The following ARHGEF26 variants were observed in gnomAD, a reference collection of about 807,000 sequenced individuals.
ARHGEF26 encodes Rho guanine nucleotide exchange factor 26.
ARHGEF26 carries 59 observed loss-of-function variants against 89.4 expected under a neutral mutation model. The ratio of observed to expected loss-of-function variants is 0.66; its 90% CI spans 0.54 to 0.82. The LOEUF (loss-of-function observed/expected upper bound fraction) is 0.82, where lower values mean the gene tolerates loss of function less well. Ranked by LOEUF, ARHGEF26 falls within the 40% of genes least tolerant of loss-of-function variation. ARHGEF26 has a pLI of 0.00. For synonymous variants in ARHGEF26, 500 were observed against 428.4 expected, an observed-to-expected ratio of 1.17 and a Z score of -2.06; for missense variants, 1,234 against 1,085.6, an observed-to-expected ratio of 1.14 and a Z score of -1.92.
Position 154,135,410 on chromosome 3 carries a change from G to T in ARHGEF26, c.1269+5691G>T, listed in dbSNP as rs550989722. ...TGATGGTTGTTTGTATTTCTGTGGGGTCAGTGGTAATATCCCCCTTGTCCT... is the reference window on the plus strand; with the variant it reads ...TGATGGTTGTTTGTATTTCTGTGGGTTCAGTGGTAATATCCCCCTTGTCCT... On this transcript the variant is annotated intron_variant, in intron 4 of 14. Transcript: ENST00000465093. 2.5e-4 allele frequency among the ~76,000 whole-genome samples: 38 copies of T among 152,210 alleles called. 1 individual carries two copies. Among genetic ancestry groups the T allele is most frequent in the African/African-American group, 8.9e-4 (37 of 41,538 alleles).
intron 4 of ARHGEF26, among the ~76,000 whole-genome samples, chr3:154,143,914 T>C (rs1013977172): frequency 6.6e-6 from 1 of 152,174 alleles, no homozygotes; most frequent in Non-Finnish European, 1.5e-5. Context: ...CTCTTGCTCA[T>C]TTGGGGGATA....
At chr3:154,162,962 G>A (rs185852205) in intron 6 of ARHGEF26, among the ~76,000 whole-genome samples, 48 of 152,232 alleles carry the variant, frequency 3.2e-4, no homozygotes, top group African/African-American at 8.7e-4. Flanking sequence ...TTTTTGAACC[G>A]CATGATGGTA....
At chr3:154,232,021 G>T (rs1307804231) in intron 11 of ARHGEF26, among the ~76,000 whole-genome samples, 1 of 152,038 alleles carries the variant, frequency 6.6e-6, no homozygotes, top group African/African-American at 2.4e-5. Flanking sequence ...TGGTACTCCT[G>T]AATTGGAGTG....
intron 10 of ARHGEF26, among the ~76,000 whole-genome samples, chr3:154,223,173 T>C (rs959817324): frequency 1.1e-4 from 17 of 152,266 alleles, no homozygotes; most frequent in African/African-American, 4.1e-4. Context: ...ATACATTCAG[T>C]GTGATTGAGT....
chr3:154,248,081 A>G (rs892034751), intron 12 of ARHGEF26, among the ~76,000 whole-genome samples: 2 of 152,210 alleles, frequency 1.3e-5, no homozygotes, highest in African/African-American at 4.8e-5. Context: ...ATTTGCAGTA[A>G]AATTTAGATG....
chr3:154,243,928 T>G (rs1278343058), intron 12 of ARHGEF26, among the ~76,000 whole-genome samples: 1 of 152,240 alleles, frequency 6.6e-6, no homozygotes, highest in Non-Finnish European at 1.5e-5. Context: ...CAGGTTAGCT[T>G]TGGGCTACCG....
At chr3:154,240,250 AT>A in intron 11 of ARHGEF26, 119 bp from the exon 12 acceptor site, 1 of 663,750 alleles carries the variant, frequency 1.5e-6, no homozygotes, top group Non-Finnish European at 2.6e-6. Flanking sequence ...AAAATAAGTC[AT>A]TCTTTCCCTC....
In ARHGEF26 at chr3:154,122,664, G is replaced by C; in HGVS notation, c.672G>C (p.Glu224Asp). The C allele has an allele frequency of 6.2e-7, 1 of 1,613,912 alleles. No homozygotes were observed. Among genetic ancestry groups the C allele is most frequent in the Non-Finnish European group, 8.5e-7 (1 of 1,179,874 alleles). ...KLPLQRLPSQENELLENPSVV... is the reference protein window; with the variant it reads ...KLPLQRLPSQDNELLENPSVV... Reference sequence around the variant, plus strand: ...CCCTCCAAAGGCTGCCCTCCCAGGAGAACGAGCTCCTCGAGAATCCTTCCG... The same window carrying C: ...CCCTCCAAAGGCTGCCCTCCCAGGACAACGAGCTCCTCGAGAATCCTTCCG... Residue 224 changes from glutamate (E) to aspartate (D), a missense_variant, in exon 2 of 15, where the codon GAG becomes GAC. Physicochemically the swap from Glu to Asp is conservative, Grantham distance 45 (BLOSUM62 2). Transcript: ENST00000465093.
intron 9 of ARHGEF26, among the ~76,000 whole-genome samples, chr3:154,204,961 A>G (rs187448258): frequency 1.8e-4 from 28 of 152,290 alleles, no homozygotes; most frequent in African/African-American, 6.5e-4. Flanking sequence ...AGAATGATCC[A>G]AAGAATGTGT....
Position 154,256,471 on chromosome 3 carries a change from G to C in ARHGEF26, c.*998G>C. 1 of 889,912 alleles carries C rather than the reference G, an allele frequency of 1.1e-6. No homozygotes were observed. The highest frequency in any genetic ancestry group is 1.3e-6 in the Non-Finnish European group (1 of 749,668). The allele number at this position is 889,912 out of a possible 1,614,324, so 55.1% of individuals were successfully genotyped here. The stretch of plus-strand genomic sequence containing the variant: ...ACTCCTGCCCTCAAGTGATCCACCA[G>C]AGAGGAGATCCTCGGCCTCCCCAAG... On this transcript the variant is annotated 3_prime_UTR_variant, in exon 15 of 15. Coordinates refer to ENST00000465093, the MANE Select transcript of ARHGEF26 (RefSeq NM_015595.4).
In ARHGEF26 at chr3:154,199,867, A is replaced by C. The variant is rs145943290; in HGVS notation, c.1845+5149A>C. Among the ~76,000 whole-genome samples the C allele has an allele frequency of 1.4e-4, 21 of 152,174 alleles. No individual in the cohort carries two copies. The East Asian group carries it at 3.7e-3, about 27-fold the overall frequency. On this transcript the variant is annotated intron_variant, in intron 9 of 14. Transcript: ENST00000465093. ...TTGCCATTTGTATGTCTTTTGAGAA[A>C]TGTCTATTCAAATCTTTGCCCATTT...
intron 7 of ARHGEF26, among the ~76,000 whole-genome samples, chr3:154,190,400 T>C (rs1487872629): frequency 6.6e-6 from 1 of 152,140 alleles, no homozygotes; most frequent in African/African-American, 2.4e-5. Context: ...TCCCAGTTAC[T>C]TGTGAGGCTG....
In ARHGEF26 at chr3:154,237,770, CAT is replaced by C. The variant is rs374455146; in HGVS notation, c.2091-2599_2091-2598del. On this transcript the variant is annotated intron_variant, in intron 11 of 14. Coordinates refer to ENST00000465093, the MANE Select transcript of ARHGEF26 (RefSeq NM_015595.4). ...TGGAAATACCTACAACGCCTACACA[CAT>C]GTCATTGTTTAGGGCCTTACCCCAT... Among the ~76,000 whole-genome samples, 397 of 152,336 alleles carry C rather than the reference CAT, an allele frequency of 2.6e-3. 3 individuals carry two copies. Among genetic ancestry groups the C allele is most frequent in the African/African-American group, 9.2e-3 (383 of 41,564 alleles).
At position 154,122,356 on chromosome 3, in the gene ARHGEF26, G is replaced by A. The variant is rs1444183233; in HGVS notation, c.364G>A (p.Gly122Ser). The change falls in exon 2 of 15, where the codon GGC (glycine) becomes AGC (serine). Residue 122 changes from glycine (G) to serine (S), a missense_variant. Physicochemically the swap from Gly to Ser is moderately conservative, Grantham distance 56. Transcript: ENST00000465093. ...KSPKLPKAVPGGSPKSPANGA... is the reference protein window; with the variant it reads ...KSPKLPKAVPSGSPKSPANGA... ...ACCCAAGCTCCCCAAAGCGGTGCCTGGCGGCTCCCCGAAATCCCCAGCAAA... is the reference window on the plus strand; with the variant it reads ...ACCCAAGCTCCCCAAAGCGGTGCCTAGCGGCTCCCCGAAATCCCCAGCAAA... 1.2e-6 allele frequency: 2 copies of A among 1,612,452 alleles called. No individual in the cohort carries two copies. The highest frequency in any genetic ancestry group is 1.7e-6 in the Non-Finnish European group (2 of 1,179,736).
At chr3:154,244,247 T>G (rs1020763345) in intron 12 of ARHGEF26, among the ~76,000 whole-genome samples, 2 of 152,220 alleles carry the variant, frequency 1.3e-5, no homozygotes, top group Non-Finnish European at 2.9e-5. Context: ...CCTGAGGATA[T>G]ACAACATGTA....
intron 5 of ARHGEF26, among the ~76,000 whole-genome samples, chr3:154,152,545 T>G (rs1199442309): frequency 6.6e-6 from 1 of 152,210 alleles, no homozygotes; most frequent in Non-Finnish European, 1.5e-5. Flanking sequence ...TGATTTCATT[T>G]TTTTCATATT....
chr3:154,147,180 G>A (rs554461813), intron 4 of ARHGEF26, among the ~76,000 whole-genome samples: 31 of 152,282 alleles, frequency 2.0e-4, no homozygotes, highest in African/African-American at 7.0e-4. Flanking sequence ...TAAGGTGAGC[G>A]GATCGCCTGA....
At chr3:154,130,094 C>T (rs1718593154) in intron 4 of ARHGEF26, among the ~76,000 whole-genome samples, 1 of 150,404 alleles carries the variant, frequency 6.6e-6, no homozygotes, top group African/African-American at 2.5e-5. Flanking sequence ...TATGTATGTA[C>T]CTGTATATGT....
intron 6 of ARHGEF26, among the ~76,000 whole-genome samples, chr3:154,186,961 G>A (rs1224842201): frequency 1.7e-5 from 2 of 119,782 alleles, no homozygotes; most frequent in East Asian, 2.5e-4. Flanking sequence ...GCGTGATCTC[G>A]GCTCACTGCA....
Sources: allele counts gnomAD v4.1 joint callset (sites outside exome capture counted in the v4.1 genomes callset), GRCh38; gene constraint gnomAD v4.1.1; transcripts MANE v1.5; gene names NCBI Gene and HGNC (gene_info 2026-07-23, HGNC 2026-07-21).